Variants in MIPEP observed in about 807,000 individuals in gnomAD.
MIPEP encodes mitochondrial intermediate peptidase.
Under a neutral mutation model 90.3 loss-of-function variants are expected in MIPEP, and 79 were observed. That is an observed-to-expected ratio of 0.87 (90% confidence interval 0.73 to 1.05). MIPEP has a LOEUF of 1.05. Ranked by LOEUF, MIPEP falls within the 50% of genes least tolerant of loss-of-function variation. The pLI is 0.00. For synonymous variants in MIPEP, 334 were observed against 315.8 expected (o/e 1.06, Z -0.61); for missense variants, 940 against 905.6 (o/e 1.04, Z -0.49).
chr13:23,738,455 T>C (rs1432180812), intron 18 of MIPEP, among the ~76,000 whole-genome samples: 1 of 151,556 alleles, frequency 6.6e-6, no homozygotes, highest in Non-Finnish European at 1.5e-5. Context: ...TGAGTTTTTT[T>C]TTTTTTTTTC....
At chr13:23,848,163 A>T (rs1321240761) in intron 10 of MIPEP, among the ~76,000 whole-genome samples, 1 of 152,204 alleles carries the variant, frequency 6.6e-6, no homozygotes, top group Admixed American at 6.5e-5. Context: ...TCCAGGCTCC[A>T]TTAACAATTA....
chr13:23,836,199 T>G, intron 14 of MIPEP, 41 bp downstream of exon 14: 1 of 1,340,708 alleles, frequency 7.5e-7, no homozygotes, highest in Non-Finnish European at 1.0e-6. Flanking sequence ...ACGCCAACTA[T>G]CACAACCCAA....
intron 14 of MIPEP, among the ~76,000 whole-genome samples, chr13:23,810,479 A>G (rs980806280): frequency 6.6e-6 from 1 of 152,198 alleles, no homozygotes; most frequent in Non-Finnish European, 1.5e-5. Flanking sequence ...TATGTGATTT[A>G]AGGCTTTCTT....
chr13:23,737,266 C>T lies in MIPEP; in HGVS notation c.2045-6821G>A, dbSNP rs544768980. ...AACGGTGGCTTGGCCCAGCTGTGAC[C>T]GGGACACTCATGACCAGGACAGGCA... On this transcript the variant is annotated intron_variant, in intron 18 of 18. Coordinates refer to ENST00000382172, the MANE Select transcript of MIPEP (RefSeq NM_005932.4). Among the ~76,000 whole-genome samples, 234 of 152,314 alleles carry T rather than the reference C, an allele frequency of 1.5e-3. 4 individuals carry two copies. Among genetic ancestry groups the T allele is most frequent in the African/African-American group, 5.4e-3 (225 of 41,572 alleles).
intron 14 of MIPEP, among the ~76,000 whole-genome samples, chr13:23,832,888 G>A (rs1295713311): frequency 6.6e-6 from 1 of 152,182 alleles, no homozygotes; most frequent in Non-Finnish European, 1.5e-5. Context: ...TCTTGAATGA[G>A]CACCTCTGGT....
intron 16 of MIPEP, among the ~76,000 whole-genome samples, chr13:23,766,422 C>T (rs1020533239): frequency 2.0e-5 from 3 of 152,194 alleles, no homozygotes; most frequent in African/African-American, 7.2e-5. Context: ...TTCCTGAGCT[C>T]GTCTTCATAG....
At chr13:23,788,993 A>G (rs1442133315) in intron 16 of MIPEP, among the ~76,000 whole-genome samples, 1 of 152,172 alleles carries the variant, frequency 6.6e-6, no homozygotes, top group Non-Finnish European at 1.5e-5. Context: ...TTTTTTGTAG[A>G]GACATGGTCT....
At chr13:23,879,203 G>A in intron 4 of MIPEP, 65 bp downstream of exon 4, 1 of 939,186 alleles carries the variant, frequency 1.1e-6, no homozygotes, top group African/African-American at 1.6e-5. Flanking sequence ...AGGCCCTGAG[G>A]GAGAGTCTCC....
chr13:23,745,878 C>T (rs1022748741), intron 18 of MIPEP, among the ~76,000 whole-genome samples: 3 of 151,348 alleles, frequency 2.0e-5, no homozygotes, highest in African/African-American at 7.3e-5. Context: ...TGCAGTGAGC[C>T]GAGATTGTGC....
chr13:23,787,990 T>C (rs1952865973), intron 16 of MIPEP, among the ~76,000 whole-genome samples: 1 of 152,192 alleles, frequency 6.6e-6, no homozygotes, highest in African/African-American at 2.4e-5. Context: ...GAGAACTGAA[T>C]GGCCATACCA....
chr13:23,802,582 A>T (rs1015893751), intron 16 of MIPEP, among the ~76,000 whole-genome samples: 3 of 152,182 alleles, frequency 2.0e-5, no homozygotes, highest in Non-Finnish European at 4.4e-5. Context: ...CAGGGGGGGA[A>T]GTCAGTTTTA....
intron 14 of MIPEP, among the ~76,000 whole-genome samples, chr13:23,820,666 A>G (rs1225972147): frequency 6.6e-6 from 1 of 152,174 alleles, no homozygotes; most frequent in Non-Finnish European, 1.5e-5. Context: ...GCTCTTCTCC[A>G]TCGCACCTGG....
At chr13:23,886,993 C>A (rs544607357) in intron 1 of MIPEP, among the ~76,000 whole-genome samples, 5 of 152,188 alleles carry the variant, frequency 3.3e-5, no homozygotes, top group African/African-American at 9.6e-5. Flanking sequence ...TACCTTACAG[C>A]ATGGATACAG....
intron 16 of MIPEP, among the ~76,000 whole-genome samples, chr13:23,782,867 A>T (rs1319335255): frequency 6.6e-6 from 1 of 152,242 alleles, no homozygotes; most frequent in African/African-American, 2.4e-5. Flanking sequence ...AGAAATGGAT[A>T]AATTCCTTGA....
At chr13:23,868,874 T>A (rs972705245) in intron 7 of MIPEP, among the ~76,000 whole-genome samples, 5 of 152,170 alleles carry the variant, frequency 3.3e-5, no homozygotes, top group Non-Finnish European at 5.9e-5. Context: ...AGTACTCTTC[T>A]CTCTGAAAAG....
chr13:23,861,653 T>C (rs555366596), intron 9 of MIPEP, among the ~76,000 whole-genome samples: 106 of 152,290 alleles, frequency 7.0e-4, no homozygotes, highest in African/African-American at 1.7e-3. Context: ...TGGAAAAGAA[T>C]GGTGTAGACA....
intron 10 of MIPEP, among the ~76,000 whole-genome samples, chr13:23,842,981 C>T (rs1869366929): frequency 6.6e-6 from 1 of 151,344 alleles, no homozygotes; most frequent in Non-Finnish European, 1.5e-5. Context: ...GCCTGTAATC[C>T]CAGCTACTCG....
intron 17 of MIPEP, among the ~76,000 whole-genome samples, chr13:23,759,402 C>T (rs1025528338): frequency 6.6e-6 from 1 of 150,908 alleles, no homozygotes; most frequent in African/African-American, 2.4e-5. Flanking sequence ...GCACAGGATC[C>T]CCCGCAACCC....
At chr13:23,842,425 C>T (rs1869336830) in intron 10 of MIPEP, 1 of 152,162 alleles carries the variant, frequency 6.6e-6, no homozygotes, top group Non-Finnish European at 1.5e-5. Context: ...GAGACTTTGG[C>T]TATGGACATC....
Sources: gnomAD v4.1 joint callset for allele counts (sites outside exome capture counted in the v4.1 genomes callset) on GRCh38, gnomAD v4.1.1 for gene constraint, MANE v1.5 for transcripts, NCBI Gene and HGNC (gene_info 2026-07-23, HGNC 2026-07-21) for gene names.